Variants in CTNNA3 observed in about 807,000 individuals in gnomAD.
CTNNA3 encodes catenin alpha 3.
CTNNA3 carries 76 observed loss-of-function variants against 95.7 expected under a neutral mutation model. The observed-to-expected ratio is 0.79, with a 90% CI of 0.66 to 0.96. CTNNA3 has a LOEUF of 0.96. Among genes scored for constraint, CTNNA3 ranks in the 40% least tolerant of loss-of-function variants. CTNNA3 has a pLI of 0.00. For missense variants in CTNNA3, 1,191 were observed against 1,089.8 expected, an observed-to-expected ratio of 1.09 and a Z score of -1.31; for synonymous variants, 431 against 374.4, an observed-to-expected ratio of 1.15 and a Z score of -1.74.
In CTNNA3 at chr10:65,920,134, G is replaced by T; in HGVS notation, c.*196C>A. On this transcript the variant is annotated 3_prime_UTR_variant, in exon 18 of 18. Coordinates refer to ENST00000433211, the MANE Select transcript of CTNNA3 (RefSeq NM_013266.4). ...CAAGCAAATATTCCTTAACTATTAGGTGCTGACCATACAGAAATGACAGTG... is the reference window on the plus strand; with the variant it reads ...CAAGCAAATATTCCTTAACTATTAGTTGCTGACCATACAGAAATGACAGTG... The T allele has an allele frequency of 1.7e-6, 1 of 588,340 alleles. No homozygotes were observed. The highest frequency in any genetic ancestry group is 3.0e-6 in the Non-Finnish European group (1 of 331,590). The allele number at this position is 588,340 out of a possible 1,614,324, so 36.4% of individuals were successfully genotyped here.
intron 1 of CTNNA3, among the ~76,000 whole-genome samples, chr10:67,741,107 A>G (rs1407242529): frequency 6.6e-6 from 1 of 150,984 alleles, no homozygotes; most frequent in African/African-American, 2.4e-5. Flanking sequence ...GGAACTGAAC[A>G]ATGGAAACAC....
intron 7 of CTNNA3, among the ~76,000 whole-genome samples, chr10:67,049,476 A>G (rs1669539523): frequency 6.6e-6 from 1 of 152,184 alleles, no homozygotes; most frequent in African/African-American, 2.4e-5. Context: ...CTCTAAGAAT[A>G]TACATATTTC....
intron 7 of CTNNA3, among the ~76,000 whole-genome samples, chr10:67,166,348 T>C (rs1266326339): frequency 6.6e-6 from 1 of 152,198 alleles, no homozygotes; most frequent in East Asian, 1.9e-4. Flanking sequence ...AGAGTGTAAC[T>C]TACCTAGCTT....
chr10:66,420,798 C>CAAAT (rs547995552), intron 11 of CTNNA3, among the ~76,000 whole-genome samples: 4,852 of 115,184 alleles, frequency 0.042, 94 homozygotes, highest in Middle Eastern at 0.056. Flanking sequence ...GACTCTGTCT[C>CAAAT]AAATAAATAA....
At chr10:67,369,861 A>C (rs1843353460) in intron 5 of CTNNA3, among the ~76,000 whole-genome samples, 1 of 152,180 alleles carries the variant, frequency 6.6e-6, no homozygotes, top group South Asian at 2.1e-4. Context: ...ATGAGAATGT[A>C]AATTAGTACC....
intron 12 of CTNNA3, among the ~76,000 whole-genome samples, chr10:66,312,442 G>A (rs2092033629): frequency 6.6e-6 from 1 of 152,084 alleles, no homozygotes; most frequent in Non-Finnish European, 1.5e-5. Context: ...GTGTATGTGT[G>A]TGTTGTGTTG....
chr10:66,538,624 A>G (rs1403986718), intron 10 of CTNNA3, among the ~76,000 whole-genome samples: 2 of 152,190 alleles, frequency 1.3e-5, no homozygotes, highest in East Asian at 3.9e-4. Flanking sequence ...GACTTTACTG[A>G]CGAACCTTTT....
rs116654993 is a variant in CTNNA3 at position 66,589,344 on chromosome 10, C to T, written c.1374+32348G>A. The stretch of plus-strand genomic sequence containing the variant: ...TAGATAATGAAATTCTTCTATTTCA[C>T]TTTGATTGTGGCAATATATATCCAT... On this transcript the variant is annotated intron_variant, in intron 10 of 17. Coordinates refer to ENST00000433211, the MANE Select transcript of CTNNA3 (RefSeq NM_013266.4). Among the ~76,000 whole-genome samples, 1,142 of 152,142 alleles carry T rather than the reference C, an allele frequency of 7.5e-3. 23 individuals carry two copies. Among genetic ancestry groups the T allele is most frequent in the African/African-American group, 0.026 (1,088 of 41,498 alleles).
intron 13 of CTNNA3, among the ~76,000 whole-genome samples, chr10:66,181,297 C>T (rs2086025305): frequency 6.6e-6 from 1 of 152,116 alleles, no homozygotes; most frequent in Admixed American, 6.5e-5. Flanking sequence ...AAATTTTCTT[C>T]AGTACTTGGA....
intron 12 of CTNNA3, among the ~76,000 whole-genome samples, chr10:66,349,563 C>T (rs1166365628): frequency 6.6e-6 from 1 of 152,090 alleles, no homozygotes; most frequent in Non-Finnish European, 1.5e-5. Flanking sequence ...GTTATTCTTT[C>T]CAAAGCCATT....
At chr10:66,985,705 A>G (rs2088214116) in intron 7 of CTNNA3, among the ~76,000 whole-genome samples, 1 of 151,990 alleles carries the variant, frequency 6.6e-6, no homozygotes, top group African/African-American at 2.4e-5. Flanking sequence ...ACTTCCTACC[A>G]CATTCTTTCT....
chr10:67,309,918 T>TA (rs965722550), intron 5 of CTNNA3, among the ~76,000 whole-genome samples: 5 of 151,908 alleles, frequency 3.3e-5, no homozygotes, highest in African/African-American at 4.8e-5. Flanking sequence ...ATCCTTCCTT[T>TA]AAAAAAAATT....
intron 17 of CTNNA3, among the ~76,000 whole-genome samples, chr10:65,939,982 T>C (rs896021113): frequency 7.9e-5 from 12 of 152,156 alleles, no homozygotes; most frequent in African/African-American, 2.7e-4. Flanking sequence ...AATTGAGCAA[T>C]GGATTTCTCT....
At chr10:65,998,876 C>T (rs1222937923) in intron 15 of CTNNA3, among the ~76,000 whole-genome samples, 1 of 152,144 alleles carries the variant, frequency 6.6e-6, no homozygotes, top group Admixed American at 6.5e-5. Flanking sequence ...GAACTCTATA[C>T]CTGAAAACCT....
intron 15 of CTNNA3, among the ~76,000 whole-genome samples, chr10:66,063,117 G>C (rs1009457008): frequency 4.0e-5 from 6 of 151,218 alleles, no homozygotes; most frequent in Admixed American, 6.6e-5. Flanking sequence ...TTCTTTCCCA[G>C]TGTAGACCCA....
intron 2 of CTNNA3, among the ~76,000 whole-genome samples, chr10:67,624,357 A>G (rs889779002): frequency 6.6e-6 from 1 of 152,030 alleles, no homozygotes; most frequent in African/African-American, 2.4e-5. Flanking sequence ...GGCCCAACAA[A>G]CTTTGTCCCA....
intron 5 of CTNNA3, among the ~76,000 whole-genome samples, chr10:67,308,476 A>G (rs1840651389): frequency 6.6e-6 from 1 of 152,214 alleles, no homozygotes; most frequent in Admixed American, 6.5e-5. Context: ...TTCCCCAGCC[A>G]TGTGGAACTG....
At chr10:66,382,418 A>G (rs1274161669) in intron 11 of CTNNA3, among the ~76,000 whole-genome samples, 5 of 152,126 alleles carry the variant, frequency 3.3e-5, no homozygotes, top group African/African-American at 1.2e-4. Context: ...AGATAAATAC[A>G]GTGGCCAGGA....
chr10:66,035,002 T>G (rs946552794), intron 15 of CTNNA3, among the ~76,000 whole-genome samples: 4 of 152,234 alleles, frequency 2.6e-5, no homozygotes, highest in Non-Finnish European at 5.9e-5. Context: ...GTTAAATTTA[T>G]ACTCCACATT....
Sources: gnomAD v4.1 joint callset for allele counts (sites outside exome capture counted in the v4.1 genomes callset) on GRCh38, gnomAD v4.1.1 for gene constraint, MANE v1.5 for transcripts, NCBI Gene and HGNC (gene_info 2026-07-23, HGNC 2026-07-21) for gene names.